LARGE1: variants seen among roughly 807,000 people sequenced by gnomAD.
The protein encoded by LARGE1 is LARGE xylosyl- and glucuronyltransferase 1.
In LARGE1, 43 loss-of-function variants were observed where a neutral mutation model predicts 87.6. That is an observed-to-expected ratio of 0.49 (90% CI 0.38 to 0.63). LARGE1 has a LOEUF of 0.63. LARGE1 is among the 30% of genes least tolerant of loss of function. The pLI, the probability that LARGE1 is intolerant of heterozygous loss-of-function variation, is 0.00. For missense variants in LARGE1, 802 were observed against 1,000.2 expected (o/e 0.80, Z 2.67); for synonymous variants, 434 against 394.6 (o/e 1.10, Z -1.18).
chr22:33,190,914 C>T (rs945101314), intron 11 of LARGE1, among the ~76,000 whole-genome samples: 2 of 152,068 alleles, frequency 1.3e-5, no homozygotes, highest in African/African-American at 4.8e-5. Flanking sequence ...TTTGCCTTTC[C>T]CATATTCGGT....
rs138083748 is a variant in LARGE1, at chr22:33,648,944, C to T, written c.408+1423G>A. Among the ~76,000 whole-genome samples the T allele has an allele frequency of 2.4e-4, 36 of 152,228 alleles. No homozygotes were observed. In the East Asian group the frequency reaches 2.5e-3, roughly 11 times the overall value. On this transcript the variant is annotated intron_variant, in intron 3 of 14. Transcript: ENST00000397394. Reference sequence around the variant, plus strand: ...ACACGAGTGCAATATGTTTGCTGAACGAATGGATAAATAAATGAATGATGA... The same window carrying T: ...ACACGAGTGCAATATGTTTGCTGAATGAATGGATAAATAAATGAATGATGA...
intron 9 of LARGE1, 120 bp from the exon 10 acceptor site, chr22:33,337,921 T>A: frequency 8.9e-7 from 1 of 1,118,096 alleles, no homozygotes; most frequent in Non-Finnish European, 1.3e-6. Flanking sequence ...GCTCATTCGC[T>A]CATTCAACAT....
At chr22:33,221,166 A>AG (rs1407775649) in intron 11 of LARGE1, among the ~76,000 whole-genome samples, 5 of 124,524 alleles carry the variant, frequency 4.0e-5, no homozygotes, top group African/African-American at 2.3e-4. Flanking sequence ...TGCCGTTGTT[A>AG]AAAAGAGAGA....
At chr22:33,276,928 C>T (rs2145829040) in intron 14 of LARGE1, 132 bp downstream of exon 14, 1 of 880,866 alleles carries the variant, frequency 1.1e-6, no homozygotes, top group East Asian at 2.5e-5. Context: ...AGGATCAGTA[C>T]TACCACTGGT....
rs761267879 is a variant in LARGE1 at position 33,607,437 on chromosome 22, G to A, written c.492-2879C>T. Among the ~76,000 whole-genome samples the A allele has an allele frequency of 1.1e-3, 129 of 118,864 alleles. 2 individuals carry two copies. Among genetic ancestry groups the A allele is most frequent in the Non-Finnish European group, 6.5e-4 (38 of 58,244 alleles). The allele number at this position is 118,864 out of a possible 152,430, so 78.0% of individuals were successfully genotyped here. A position where few individuals can be genotyped will look rare whatever the true frequency, so the allele number is the denominator to read the frequency against. On this transcript the variant is annotated intron_variant, in intron 4 of 14. Coordinates refer to ENST00000397394, the MANE Select transcript of LARGE1 (RefSeq NM_133642.5). ...GATCGTGCCATTGCACTCCAGCCTGGGCAACAAGAGCAAAACTGCATCTCA... is the reference window on the plus strand; with the variant it reads ...GATCGTGCCATTGCACTCCAGCCTGAGCAACAAGAGCAAAACTGCATCTCA...
intron 11 of LARGE1, among the ~76,000 whole-genome samples, chr22:33,204,069 T>G (rs558497754): frequency 6.6e-6 from 1 of 152,194 alleles, no homozygotes; most frequent in African/African-American, 2.4e-5. Context: ...GATGGATGGA[T>G]GGATGGATGA....
rs542101510 is a variant in LARGE1 at position 33,883,149 on chromosome 22, C to T, written c.-83+36846G>A. Reference sequence around the variant, plus strand: ...CGTTTCAGCCTCAGCAGCTTAAGACCCTTCCAGTGAGATATGATGCAAAGG... The same window carrying T: ...CGTTTCAGCCTCAGCAGCTTAAGACTCTTCCAGTGAGATATGATGCAAAGG... On this transcript the variant is annotated intron_variant, in intron 1 of 14. Transcript: ENST00000397394. Among the ~76,000 whole-genome samples the T allele has an allele frequency of 3.9e-5, 6 of 152,194 alleles. No homozygotes were observed. The South Asian group carries it at 1.2e-3, about 32-fold the overall frequency.
In LARGE1 at chr22:33,315,506, G is replaced by A. The variant is rs144731212; in HGVS notation, c.1451+579C>T. On this transcript the variant is annotated intron_variant, in intron 11 of 14. Transcript: ENST00000397394. Reference sequence around the variant, plus strand: ...CCCTCTTCCTGAGGTAATTCGAGTCGGGCTCTACTTCTTAAGAATCGATCC... The same window carrying A: ...CCCTCTTCCTGAGGTAATTCGAGTCAGGCTCTACTTCTTAAGAATCGATCC... Among the ~76,000 whole-genome samples the A allele has an allele frequency of 5.5e-3, 831 of 152,240 alleles. 5 individuals are homozygous for A. Among genetic ancestry groups the A allele is most frequent in the South Asian group, 0.012 (59 of 4,814 alleles).
chr22:33,864,617 T>C (rs1016598995), intron 1 of LARGE1, among the ~76,000 whole-genome samples: 5 of 152,146 alleles, frequency 3.3e-5, no homozygotes, highest in Non-Finnish European at 5.9e-5. Flanking sequence ...GTACCATGCA[T>C]AGAATAGAGA....
At chr22:33,084,970 C>T in the LARGE1 span, among the ~76,000 whole-genome samples, 6 of 152,070 alleles carry the variant, frequency 3.9e-5, no homozygotes, top group South Asian at 1.2e-3. Flanking sequence ...TTTTATAAAG[C>T]ATATTCTCAA....
At chr22:33,233,426 A>G (rs1488995101) in intron 11 of LARGE1, among the ~76,000 whole-genome samples, 1 of 152,154 alleles carries the variant, frequency 6.6e-6, no homozygotes, top group Non-Finnish European at 1.5e-5. Flanking sequence ...CAGGTGTCAT[A>G]TGTTTCCTCC....
chr22:33,410,705 A>T (rs1321813973), intron 7 of LARGE1, among the ~76,000 whole-genome samples: 1 of 151,964 alleles, frequency 6.6e-6, no homozygotes, highest in Non-Finnish European at 1.5e-5. Flanking sequence ...ATGGACTCAT[A>T]TACTGCTCTA....
intron 6 of LARGE1, among the ~76,000 whole-genome samples, chr22:33,564,198 G>C (rs1185593376): frequency 6.6e-6 from 1 of 152,114 alleles, no homozygotes; most frequent in Non-Finnish European, 1.5e-5. Context: ...ATCTGGGAGA[G>C]GGGTATTAAA....
chr22:33,921,221 C>T (rs1404750987), upstream of LARGE1, among the ~76,000 whole-genome samples: 1 of 152,132 alleles, frequency 6.6e-6, no homozygotes, highest in Non-Finnish European at 1.5e-5. The surrounding 1 kb of genome is among the most constrained non-coding windows in gnomAD (Gnocchi z 4.1). Flanking sequence ...GCTTCTTCAG[C>T]TCGCTGGCTG....
At chr22:33,381,504 T>C (rs1181633105) in intron 9 of LARGE1, among the ~76,000 whole-genome samples, 1 of 152,164 alleles carries the variant, frequency 6.6e-6, no homozygotes, top group Non-Finnish European at 1.5e-5. Context: ...AATACTTACT[T>C]CTTTGCACAT....
upstream of LARGE1, among the ~76,000 whole-genome samples, chr22:33,920,593 A>G (rs572856214): frequency 1 from 144,602 of 144,616 alleles, 72,294 homozygotes; most frequent in Middle Eastern, 1. Context: ...GCGCCGGAAA[A>G]GGCCTCGCCC....
At chr22:33,174,467 G>A (rs1469906395) in intron 11 of LARGE1, among the ~76,000 whole-genome samples, 2 of 152,156 alleles carry the variant, frequency 1.3e-5, no homozygotes, top group Non-Finnish European at 1.5e-5. Flanking sequence ...AAAGCTAGCA[G>A]AAGACAAGAA....
intron 1 of LARGE1, among the ~76,000 whole-genome samples, chr22:33,817,850 G>T (rs932943172): frequency 6.6e-6 from 1 of 151,898 alleles, no homozygotes; most frequent in Admixed American, 6.6e-5. Context: ...GGGGGTCAGC[G>T]GTAAGGTAGG....
intron 6 of LARGE1, among the ~76,000 whole-genome samples, chr22:33,515,442 G>C (rs1255799501): frequency 6.6e-6 from 1 of 152,178 alleles, no homozygotes; most frequent in East Asian, 1.9e-4. Context: ...TGTTGCTGCT[G>C]TATTCTGAGG....
Sources: allele counts gnomAD v4.1 joint callset (sites outside exome capture counted in the v4.1 genomes callset), GRCh38; gene constraint gnomAD v4.1.1; non-coding constraint Gnocchi (gnomAD v3.1); transcripts MANE v1.5; gene names NCBI Gene and HGNC (gene_info 2026-07-23, HGNC 2026-07-21).